Variants in LY6S observed in about 807,000 individuals in gnomAD.
LY6S encodes the protein lymphocyte antigen 6S.
chr8:143,049,175 T>C, the LY6S span: 1 of 534,760 alleles, frequency 1.9e-6, no homozygotes, highest in Non-Finnish European at 3.8e-6. Context: ...ACCTGTGACC[T>C]CCTGGACTTT....
chr8:143,069,163 A>G, the LY6S span, among the ~76,000 whole-genome samples: 449 of 152,274 alleles, frequency 2.9e-3, no homozygotes, highest in Admixed American at 5.5e-3. Flanking sequence ...CCCACATCCA[A>G]GGGAAAAAGT....
chr8:143,043,351 G>C, the LY6S span: 2 of 903,436 alleles, frequency 2.2e-6, no homozygotes, highest in Middle Eastern at 2.7e-4. Flanking sequence ...GCGAGAGAGC[G>C]GGGTGGGGGA....
the LY6S span, among the ~76,000 whole-genome samples, chr8:143,047,373 C>T: frequency 1.3e-5 from 2 of 151,964 alleles, no homozygotes; most frequent in Admixed American, 1.3e-4. Context: ...AACTCCTGAG[C>T]TCAGGTGATC....
the LY6S span, among the ~76,000 whole-genome samples, chr8:143,047,483 C>T: frequency 4.6e-5 from 7 of 152,088 alleles, no homozygotes. Flanking sequence ...GATAGGTAGT[C>T]AAGGAAGTGA....
At chr8:143,072,712 T>A in the LY6S span, among the ~76,000 whole-genome samples, 2 of 101,236 alleles carry the variant, frequency 2.0e-5, no homozygotes, top group African/African-American at 1.1e-4. Context: ...GAGACAGTCG[T>A]CGTCCTCGGG....
chr8:143,064,147 AG>A, the LY6S span, among the ~76,000 whole-genome samples: 2 of 152,350 alleles, frequency 1.3e-5, no homozygotes, highest in South Asian at 4.1e-4. Flanking sequence ...TCACAGTCGA[AG>A]GGGCCATTGT....
the LY6S span, among the ~76,000 whole-genome samples, chr8:143,061,491 G>GGTTT: frequency 2.0e-5 from 3 of 147,438 alleles, no homozygotes; most frequent in African/African-American, 7.8e-5. Flanking sequence ...ATCACACTTA[G>GGTTT]GTTTGTTTGT....
At chr8:143,066,900 G>T in the LY6S span, among the ~76,000 whole-genome samples, 4 of 152,148 alleles carry the variant, frequency 2.6e-5, no homozygotes, top group Admixed American at 2.0e-4. Flanking sequence ...GGAATGATAT[G>T]GTTTAGATGT....
the LY6S span, among the ~76,000 whole-genome samples, chr8:143,073,160 C>T: frequency 7.8e-3 from 579 of 74,252 alleles, 1 homozygote; most frequent in African/African-American, 0.029. Flanking sequence ...GCCGTCGTCC[C>T]CGGGGTTCCT....
At chr8:143,059,400 GT>G in the LY6S span, among the ~76,000 whole-genome samples, 11 of 148,050 alleles carry the variant, frequency 7.4e-5, no homozygotes, top group African/African-American at 1.5e-4. Flanking sequence ...TTTACTGACG[GT>G]TTTTTTTTTA....
the LY6S span, among the ~76,000 whole-genome samples, chr8:143,050,044 C>T: frequency 0.012 from 1,851 of 152,218 alleles, 31 homozygotes; most frequent in East Asian, 0.069. Flanking sequence ...ACGCCTGGTC[C>T]GGTTGTGGGA....
At chr8:143,049,910 CA>C in the LY6S span, among the ~76,000 whole-genome samples, 14 of 142,572 alleles carry the variant, frequency 9.8e-5, no homozygotes, top group African/African-American at 3.3e-4. Context: ...CCAATGGAAG[CA>C]AAAAAAACAA....
chr8:143,052,205 C>T, the LY6S span, among the ~76,000 whole-genome samples: 7 of 151,716 alleles, frequency 4.6e-5, no homozygotes, highest in Admixed American at 2.6e-4. Flanking sequence ...GGCGTGAACC[C>T]GGGAGGCAGA....
At chr8:143,052,095 C>A in the LY6S span, among the ~76,000 whole-genome samples, 4 of 151,972 alleles carry the variant, frequency 2.6e-5, no homozygotes. Context: ...TCCTGGCTAA[C>A]ACGGTGAAAC....
the LY6S span, among the ~76,000 whole-genome samples, chr8:143,041,190 C>T: frequency 2.0e-5 from 3 of 152,186 alleles, no homozygotes; most frequent in Admixed American, 2.0e-4. Flanking sequence ...TCCTAATAAG[C>T]CTGGGAGCAC....
chr8:143,043,144 C>T, the LY6S span: 1 of 1,367,720 alleles, frequency 7.3e-7, no homozygotes, highest in Non-Finnish European at 9.8e-7. Flanking sequence ...CAGAGGAAGA[C>T]TGACCCCAGG....
chr8:143,070,780 C>T, the LY6S span, among the ~76,000 whole-genome samples: 28 of 151,992 alleles, frequency 1.8e-4, no homozygotes, highest in Non-Finnish European at 3.7e-4. Context: ...CCACCGTGCC[C>T]GGCCGCAGTT....
chr8:143,066,528 C>A, the LY6S span: 2 of 285,802 alleles, frequency 7.0e-6, no homozygotes, highest in East Asian at 9.0e-5. Flanking sequence ...TGCAGCGAAT[C>A]GGCTGCACAT....
chr8:143,049,917 A>T, the LY6S span, among the ~76,000 whole-genome samples: 4 of 143,444 alleles, frequency 2.8e-5, no homozygotes, highest in African/African-American at 5.1e-5. Context: ...AAGCAAAAAA[A>T]ACAAAAACTC....
Sources: allele counts gnomAD v4.1 joint callset (sites outside exome capture counted in the v4.1 genomes callset), GRCh38; gene constraint gnomAD v4.1.1; transcripts MANE v1.5; gene names NCBI Gene and HGNC (gene_info 2026-07-23, HGNC 2026-07-21).